The following BEGAIN variants were observed in gnomAD, a reference collection of about 807,000 sequenced individuals.
BEGAIN encodes brain enriched guanylate kinase associated, also known as brain-enriched guanylate kinase-associated protein.
A neutral mutation model predicts 35.8 loss-of-function variants in BEGAIN; 19 were observed. The observed-to-expected ratio is 0.53, with a 90% CI of 0.37 to 0.78. The LOEUF is 0.78. Among genes scored for constraint, BEGAIN ranks in the 30% least tolerant of loss-of-function variants. The pLI is 0.00. For missense variants in BEGAIN, 795 were observed against 853.6 expected (o/e 0.93, Z 0.85); for synonymous variants, 462 against 388.6 (o/e 1.19, Z -2.22).
intron 1 of BEGAIN, among the ~76,000 whole-genome samples, chr14:100,579,824 T>G (rs1223990159): frequency 6.6e-6 from 1 of 152,208 alleles, no homozygotes; most frequent in African/African-American, 2.4e-5. Context: ...CGCCCCTGGC[T>G]GCCAGGCCCT....
rs185152011 is a variant in BEGAIN at position 100,574,370 on chromosome 14, T to C, written c.43-6431A>G. On this transcript the variant is annotated intron_variant, in intron 1 of 6. Coordinates refer to ENST00000554140, the MANE Select transcript of BEGAIN (RefSeq NM_001385089.1). ...TCCCACCTGTGACCTGAGCCCTGGG[T>C]CTTGTCTAGGCTCTGTGTGACTTCA... Among the ~76,000 whole-genome samples, 1,202 of 152,230 alleles carry C rather than the reference T, an allele frequency of 7.9e-3. 17 individuals carry two copies. The highest frequency in any genetic ancestry group is 0.027 in the African/African-American group (1,134 of 41,548).
chr14:100,559,193 G>T (rs1237741945), intron 2 of BEGAIN, among the ~76,000 whole-genome samples: 1 of 152,154 alleles, frequency 6.6e-6, no homozygotes, highest in African/African-American at 2.4e-5. Flanking sequence ...GAGCCAAGGG[G>T]AGCTGCGCGG....
chr14:100,550,438 G>A (rs2033074703), intron 2 of BEGAIN: 4 of 399,220 alleles, frequency 1.0e-5, no homozygotes, highest in South Asian at 1.3e-4. Flanking sequence ...GATGGAGGGC[G>A]AGGACCTGGC....
intron 5 of BEGAIN, among the ~76,000 whole-genome samples, chr14:100,540,977 G>A (rs561930063): frequency 2.0e-5 from 3 of 152,326 alleles, no homozygotes; most frequent in Admixed American, 2.0e-4. Flanking sequence ...CAAAGATGAC[G>A]GGGTGGGAGT....
At chr14:100,556,858 G>A (rs901135694) in intron 2 of BEGAIN, among the ~76,000 whole-genome samples, 6 of 152,148 alleles carry the variant, frequency 3.9e-5, no homozygotes, top group African/African-American at 7.2e-5. Flanking sequence ...GGGCAGAGCC[G>A]CCCGGGGCAG....
intron 2 of BEGAIN, among the ~76,000 whole-genome samples, chr14:100,550,733 C>T (rs1406949257): frequency 6.6e-6 from 1 of 152,178 alleles, no homozygotes; most frequent in Non-Finnish European, 1.5e-5. Flanking sequence ...ACCTGCCAGC[C>T]CTCACTCCTC....
At position 100,557,604 on chromosome 14, in the gene BEGAIN, C is replaced by G. The variant is rs942258751; in HGVS notation, c.71+10307G>C. On this transcript the variant is annotated intron_variant, in intron 2 of 6. Transcript: ENST00000554140. ...CAGTGACGGCATTATGGCCTCCTCC[C>G]CATCACTCTCCTCATTGTACTAAGG... is the stretch of plus-strand genomic sequence containing the variant. Among the ~76,000 whole-genome samples the G allele has an allele frequency of 2.6e-5, 4 of 152,194 alleles. No individual in the cohort carries two copies. The South Asian group carries it at 8.3e-4, about 31-fold the overall frequency.
In BEGAIN at chr14:100,571,487, G is replaced by A. The variant is rs1448777323; in HGVS notation, c.43-3548C>T. Among the ~76,000 whole-genome samples the A allele has an allele frequency of 2.0e-5, 3 of 152,218 alleles. No individual in the cohort carries two copies. The East Asian group carries it at 5.8e-4, about 29-fold the overall frequency. On this transcript the variant is annotated intron_variant, in intron 1 of 6. Transcript: ENST00000554140. ...GCCTTGGGCCCGGTCACAGAAATCA[G>A]TTCCATTGAAGTGTCACAGCAGCTT...
At chr14:100,541,035 C>G (rs977586055) in intron 5 of BEGAIN, among the ~76,000 whole-genome samples, 1 of 152,248 alleles carries the variant, frequency 6.6e-6, no homozygotes, top group Admixed American at 6.5e-5. Context: ...CCTTCCACCC[C>G]GCACTTCAGA....
rs2035143882 is a variant in BEGAIN, at chr14:100,573,863, G to A, written c.43-5924C>T. ...AGGGCAGCCACGGTGGGAGGCGACA[G>A]GGGCTGGGACAGAGCCCGGGACTCT... On this transcript the variant is annotated intron_variant, in intron 1 of 6. Coordinates refer to ENST00000554140, the MANE Select transcript of BEGAIN (RefSeq NM_001385089.1). This position sits in a 1 kb window ranked among gnomAD's most constrained non-coding sequence, Gnocchi z 4.2. Among the ~76,000 whole-genome samples, 1 of 152,022 alleles carries A rather than the reference G, an allele frequency of 6.6e-6. No homozygotes were observed. Among genetic ancestry groups the A allele is most frequent in the African/African-American group, 2.4e-5 (1 of 41,374 alleles).
chr14:100,538,650 G>A lies in BEGAIN; in HGVS notation c.1158C>T (p.Gly386=). Residue 386 remains glycine (G), a synonymous_variant, in exon 7 of 7, where the codon GGC becomes GGT. Coordinates refer to ENST00000554140, the MANE Select transcript of BEGAIN (RefSeq NM_001385089.1). The part of the protein sequence containing the change: ...AAPLEAEVAP[G]FGRTMSPYPA... ...GGTACGGTGACATGGTCCGCCCGAAGCCTGGGGCCACTTCGGCCTCCAGCG... is the reference window on the plus strand; with the variant it reads ...GGTACGGTGACATGGTCCGCCCGAAACCTGGGGCCACTTCGGCCTCCAGCG... The A allele has an allele frequency of 1.3e-6, 2 of 1,550,452 alleles. No individual in the cohort carries two copies. Among genetic ancestry groups the A allele is most frequent in the Non-Finnish European group, 1.7e-6 (2 of 1,146,828 alleles).
Position 100,563,467 on chromosome 14 carries a change from G to A in BEGAIN, c.71+4444C>T, listed in dbSNP as rs1432076871. On this transcript the variant is annotated intron_variant, in intron 2 of 6. Coordinates refer to ENST00000554140, the MANE Select transcript of BEGAIN (RefSeq NM_001385089.1). The surrounding 1 kb of genome is among the most constrained non-coding windows in gnomAD (Gnocchi z 4.2). ...AACAGCGAGACGCGGCGTCCCCCAGGAGGTGTGGCTGCTGCATGTGTAACT... is the reference window on the plus strand; with the variant it reads ...AACAGCGAGACGCGGCGTCCCCCAGAAGGTGTGGCTGCTGCATGTGTAACT... Among the ~76,000 whole-genome samples the A allele has an allele frequency of 6.6e-6, 1 of 152,252 alleles. No individual in the cohort carries two copies. The highest frequency in any genetic ancestry group is 2.4e-5 in the African/African-American group (1 of 41,466).
chr14:100,540,451 C>T (rs1041803791), intron 6 of BEGAIN, 45 bp downstream of exon 6: 8 of 1,457,030 alleles, frequency 5.5e-6, no homozygotes, highest in Admixed American at 1.9e-5. Context: ...AAAAGGAGCC[C>T]GGTGGTCCCG....
rs2030847821 is a variant in BEGAIN at position 100,538,082 on chromosome 14, G to A, written c.1726C>T (p.His576Tyr). ...TGGGGGCTGAGGCGGGCGGCAGGAT[G>A]CATTTCCGGGGAGGCCTCCATGGAG... ...PSSMEASPEM[H>Y]PAARLSPQQA... The change falls in exon 7 of 7, where the codon CAT (histidine) becomes TAT (tyrosine). Residue 576 changes from histidine (H) to tyrosine (Y), a missense_variant. Physicochemically the swap from His to Tyr is moderately conservative, Grantham distance 83 (BLOSUM62 2). This residue lies in a region of BEGAIN where 664 missense variants were observed against 647.7 expected (regional missense o/e 1.03). Coordinates refer to ENST00000554140, the MANE Select transcript of BEGAIN (RefSeq NM_001385089.1). 1.9e-6 allele frequency: 3 copies of A among 1,589,986 alleles called. No homozygotes were observed. Among genetic ancestry groups the A allele is most frequent in the South Asian group, 1.1e-5 (1 of 87,810 alleles).
rs558938096 is a variant in BEGAIN at position 100,586,251 on chromosome 14, G to A, written c.42+998C>T. On this transcript the variant is annotated intron_variant, in intron 1 of 6. Coordinates refer to ENST00000554140, the MANE Select transcript of BEGAIN (RefSeq NM_001385089.1). The surrounding 1 kb of genome is among the most constrained non-coding windows in gnomAD (Gnocchi z 4.9). Reference sequence around the variant, plus strand: ...AGAGAAGGAAAAGAACCTGTCCATGGCCTCCAGAGAGCCAGAGCACTGGGG... The same window carrying A: ...AGAGAAGGAAAAGAACCTGTCCATGACCTCCAGAGAGCCAGAGCACTGGGG... 7.0e-4 allele frequency among the ~76,000 whole-genome samples: 106 copies of A among 152,322 alleles called. No individual in the cohort carries two copies. Among genetic ancestry groups the A allele is most frequent in the African/African-American group, 2.4e-3 (101 of 41,570 alleles).
At chr14:100,545,409 A>C in intron 3 of BEGAIN, 1 of 1,124,964 alleles carries the variant, frequency 8.9e-7, no homozygotes, top group Non-Finnish European at 1.1e-6. Context: ...CAATTCTTAC[A>C]AACCTGTTAT....
At position 100,568,104 on chromosome 14, in the gene BEGAIN, C is replaced by G. The variant is rs1416986185; in HGVS notation, c.43-165G>C. ...AGCTTCCAGTCCCGGCCGCGGCCCCCGTGACTCAGTGGGCGCGCCGGGCCG... is the reference window on the plus strand; with the variant it reads ...AGCTTCCAGTCCCGGCCGCGGCCCCGGTGACTCAGTGGGCGCGCCGGGCCG... On this transcript the variant is annotated intron_variant, in intron 1 of 6. Transcript: ENST00000554140. This position sits in a 1 kb window ranked among gnomAD's most constrained non-coding sequence, Gnocchi z 7.5. 1 of 1,037,004 alleles carries G rather than the reference C, an allele frequency of 9.6e-7. No homozygotes were observed. The highest frequency in any genetic ancestry group is 1.2e-6 in the Non-Finnish European group (1 of 865,494). 64.2% of individuals were successfully genotyped at this position (1,037,004 alleles called of 1,614,324 possible). A position where few individuals can be genotyped will look rare whatever the true frequency, so the allele number is the denominator to read the frequency against.
chr14:100,573,678 G>A lies in BEGAIN; in HGVS notation c.43-5739C>T, dbSNP rs1414304879. On this transcript the variant is annotated intron_variant, in intron 1 of 6. Transcript: ENST00000554140. The surrounding 1 kb of genome is among the most constrained non-coding windows in gnomAD (Gnocchi z 4.2). ...GCATTGTGACCTCATGTTGAGCAGGGGAACATGGGGAATTCAGGGCTGGTG... is the reference window on the plus strand; with the variant it reads ...GCATTGTGACCTCATGTTGAGCAGGAGAACATGGGGAATTCAGGGCTGGTG... 1.3e-5 allele frequency among the ~76,000 whole-genome samples: 2 copies of A among 152,246 alleles called. No individual in the cohort carries two copies. The highest frequency in any genetic ancestry group is 2.9e-5 in the Non-Finnish European group (2 of 67,984).
Position 100,538,204 on chromosome 14 carries a change from C to CT in BEGAIN, c.1603dup (p.Ser535LysfsTer21), listed in dbSNP as rs778642178. 6.4e-7 allele frequency: 1 copy of CT among 1,557,574 alleles called. No homozygotes were observed. Among genetic ancestry groups the CT allele is most frequent in the East Asian group, 2.3e-5 (1 of 42,994 alleles). On this transcript the variant is annotated frameshift_variant, in exon 7 of 7. Coordinates refer to ENST00000554140, the MANE Select transcript of BEGAIN (RefSeq NM_001385089.1). LOFTEE classifies it high-confidence loss of function. The stretch of plus-strand genomic sequence containing the variant: ...GAGCCTGTCCCCGTCCCCCCCCTCG[C>CT]TGGGTGCATAGCCGGGCAGTGGGTC...
Sources: gnomAD v4.1 joint callset for allele counts (sites outside exome capture counted in the v4.1 genomes callset) on GRCh38, gnomAD v4.1.1 for gene constraint, gnomAD v4.1.1 regional missense constraint, Gnocchi (gnomAD v3.1) non-coding constraint, MANE v1.5 for transcripts, NCBI Gene and HGNC (gene_info 2026-07-23, HGNC 2026-07-21) for gene names.